The following ARHGEF28 variants were observed in gnomAD, a reference collection of about 807,000 sequenced individuals.
ARHGEF28 encodes the protein 190 kDa guanine nucleotide exchange factor.
A neutral mutation model predicts 206.6 loss-of-function variants in ARHGEF28; 152 were observed. The ratio of observed to expected loss-of-function variants is 0.74; its 90% CI spans 0.64 to 0.84. The LOEUF is 0.84. Among genes scored for constraint, ARHGEF28 ranks in the 40% least tolerant of loss-of-function variants. The pLI is 0.00. For synonymous variants in ARHGEF28, 763 were observed against 776.4 expected (o/e 0.98, Z 0.29); for missense variants, 2,028 against 2,073.2 (o/e 0.98, Z 0.42).
intron 29 of ARHGEF28, among the ~76,000 whole-genome samples, chr5:73,896,131 A>G (rs1761948313): frequency 6.6e-6 from 1 of 152,274 alleles, no homozygotes; most frequent in Non-Finnish European, 1.5e-5. Flanking sequence ...TATCCCAAAG[A>G]TAATGGGATT....
intron 7 of ARHGEF28, among the ~76,000 whole-genome samples, chr5:73,782,411 C>T (rs181833163): frequency 2.0e-3 from 305 of 152,150 alleles, no homozygotes; most frequent in African/African-American, 6.7e-3. Flanking sequence ...GCATTCCAGC[C>T]TGGGTGACAC....
At chr5:73,637,047 A>G (rs1743762080) in intron 1 of ARHGEF28, among the ~76,000 whole-genome samples, 1 of 152,208 alleles carries the variant, frequency 6.6e-6, no homozygotes, top group African/African-American at 2.4e-5. Flanking sequence ...TATTGTTGTC[A>G]GAATACTTCA....
chr5:73,677,775 C>A (rs977604301), intron 1 of ARHGEF28, among the ~76,000 whole-genome samples: 2 of 152,216 alleles, frequency 1.3e-5, no homozygotes, highest in African/African-American at 4.8e-5. Flanking sequence ...AAGTCATCCC[C>A]TGGTGTCTGC....
At chr5:73,766,866 C>A (rs1267528230) in intron 4 of ARHGEF28, among the ~76,000 whole-genome samples, 1 of 152,144 alleles carries the variant, frequency 6.6e-6, no homozygotes, top group Non-Finnish European at 1.5e-5. Context: ...TACCTATAAA[C>A]CCTAGCAAGA....
At chr5:73,802,911 TG>T (rs1755228542) in intron 9 of ARHGEF28, among the ~76,000 whole-genome samples, 1 of 151,428 alleles carries the variant, frequency 6.6e-6, no homozygotes, top group Non-Finnish European at 1.5e-5. Flanking sequence ...TGTGTGTGTG[TG>T]TGTGTGTGTT....
chr5:73,753,120 C>G lies in ARHGEF28; in HGVS notation c.393C>G (p.Ala131=). The G allele has an allele frequency of 6.3e-7, 1 of 1,586,096 alleles. No homozygotes were observed. The highest frequency in any genetic ancestry group is 8.6e-7 in the Non-Finnish European group (1 of 1,166,266). The change falls in exon 4 of 36, where the codon GCC becomes GCG. Residue 131 remains alanine, a synonymous_variant. Transcript: ENST00000513042. ...CCTTGACGGCAGGAGCACTGCCTGC[C>G]TTGGATGAGGAGCTCGTGCTGGCTC... ...PFALTAGALP[A]LDEELVLALT... is the part of the protein sequence containing the mutation.
intron 2 of ARHGEF28, among the ~76,000 whole-genome samples, chr5:73,716,973 T>C (rs147850852): frequency 2.3e-3 from 356 of 152,252 alleles, no homozygotes; most frequent in Middle Eastern, 6.8e-3. Flanking sequence ...AGGATACTGC[T>C]GCTTTTAGAT....
chr5:73,835,652 A>G (rs1392729358), intron 10 of ARHGEF28, among the ~76,000 whole-genome samples: 1 of 152,140 alleles, frequency 6.6e-6, no homozygotes, highest in African/African-American at 2.4e-5. Context: ...TATTCACTAT[A>G]ATAAACCAGG....
intron 16 of ARHGEF28, among the ~76,000 whole-genome samples, chr5:73,864,298 G>T (rs561476418): frequency 6.5e-4 from 99 of 152,314 alleles, no homozygotes; most frequent in African/African-American, 2.3e-3. Flanking sequence ...TGGGCACAGG[G>T]CTAACATTTC....
At chr5:73,654,180 A>G (rs1194057209) in intron 1 of ARHGEF28, among the ~76,000 whole-genome samples, 3 of 152,174 alleles carry the variant, frequency 2.0e-5, no homozygotes, top group African/African-American at 4.8e-5. Flanking sequence ...TGGCTTCTGT[A>G]AGGACAATGG....
chr5:73,907,556 G>A (rs1762626115), intron 33 of ARHGEF28, among the ~76,000 whole-genome samples: 1 of 152,184 alleles, frequency 6.6e-6, no homozygotes, highest in Admixed American at 6.5e-5. Flanking sequence ...CAGGTGGAAT[G>A]AAATTTGATC....
intron 10 of ARHGEF28, among the ~76,000 whole-genome samples, chr5:73,836,779 T>C (rs922136504): frequency 1.3e-5 from 2 of 152,028 alleles, no homozygotes; most frequent in African/African-American, 4.8e-5. Context: ...CTCCTAGGAG[T>C]TTTATGGTCT....
chr5:73,686,674 C>A (rs533893223), intron 2 of ARHGEF28, among the ~76,000 whole-genome samples: 11 of 151,864 alleles, frequency 7.2e-5, no homozygotes, highest in African/African-American at 9.7e-5. Flanking sequence ...ACCGCCACCA[C>A]GCCCGGCAAA....
chr5:73,884,854 T>A (rs569946009), intron 24 of ARHGEF28, among the ~76,000 whole-genome samples: 22 of 152,304 alleles, frequency 1.4e-4, no homozygotes, highest in Non-Finnish European at 3.2e-4. Context: ...GCCAGTATTT[T>A]AAAGAATAAC....
chr5:73,692,832 C>T (rs560070381), intron 2 of ARHGEF28, among the ~76,000 whole-genome samples: 7 of 152,296 alleles, frequency 4.6e-5, no homozygotes, highest in South Asian at 2.1e-4. Context: ...GGCCTTCTTC[C>T]GGATCCCTGC....
At position 73,904,402 on chromosome 5, in the gene ARHGEF28, T is replaced by G. The variant is rs187127420; in HGVS notation, c.4158T>G (p.Leu1386=). Residue 1386 remains leucine, a synonymous_variant, in exon 33 of 36, where the codon CTT becomes CTG. Coordinates refer to ENST00000513042, the MANE Select transcript of ARHGEF28 (RefSeq NM_001177693.2). ...IQNLTRLLYS[L]QAALTIQDSH... ...ATTTAACCCGTCTCTTATACAGCCT[T>G]CAGGTAACTATCCTCCTCTAATCTT... is the stretch of plus-strand genomic sequence containing the variant. 198 of 1,610,162 alleles carry G rather than the reference T, an allele frequency of 1.2e-4. No homozygotes were observed. Among genetic ancestry groups the G allele is most frequent in the Non-Finnish European group, 1.9e-5 (22 of 1,177,976 alleles).
At chr5:73,905,240 T>C (rs897037471) in intron 33 of ARHGEF28, 1 of 151,712 alleles carries the variant, frequency 6.6e-6, no homozygotes, top group Non-Finnish European at 1.5e-5. Context: ...GAGAATCTAA[T>C]GCTTGATGAT....
intron 9 of ARHGEF28, among the ~76,000 whole-genome samples, chr5:73,801,315 T>A (rs549657980): frequency 6.6e-6 from 1 of 151,768 alleles, no homozygotes; most frequent in East Asian, 1.9e-4. Context: ...GGCGTGGTGG[T>A]AGGCGCCTGT....
At chr5:73,684,759 A>C in intron 1 of ARHGEF28, 82 bp from the exon 2 acceptor site, 1 of 1,238,262 alleles carries the variant, frequency 8.1e-7, no homozygotes, top group East Asian at 2.4e-5. Flanking sequence ...TCCCTCCACA[A>C]TATTGATAAC....
Sources: gnomAD v4.1 joint callset for allele counts (sites outside exome capture counted in the v4.1 genomes callset) on GRCh38, gnomAD v4.1.1 for gene constraint, MANE v1.5 for transcripts, NCBI Gene and HGNC (gene_info 2026-07-23, HGNC 2026-07-21) for gene names.